The following TENM2 variants were observed in gnomAD, a reference collection of about 807,000 sequenced individuals.
TENM2 encodes teneurin transmembrane protein 2.
In TENM2, 52 loss-of-function variants were observed where a neutral mutation model predicts 245.2. The ratio of observed to expected loss-of-function variants is 0.21; its 90% confidence interval spans 0.17 to 0.27. TENM2 has a LOEUF of 0.27. Among genes scored for constraint, TENM2 ranks in the 10% least tolerant of loss-of-function variants. TENM2 has a pLI of 1.00. For missense variants in TENM2, 3,046 were observed against 3,666.8 expected (o/e 0.83, Z 4.37); for synonymous variants, 1,363 against 1,438.9 (o/e 0.95, Z 1.19).
chr5:167,494,759 TG>T, intron 2 of TENM2, among the ~76,000 whole-genome samples: 1 of 152,252 alleles, frequency 6.6e-6, no homozygotes, highest in South Asian at 2.1e-4. Context: ...AATCCAATTA[TG>T]CCATTTTTCT....
chr5:167,665,588 GA>G (rs1265213979), intron 2 of TENM2, among the ~76,000 whole-genome samples: 1 of 152,144 alleles, frequency 6.6e-6, no homozygotes, highest in African/African-American at 2.4e-5. Flanking sequence ...TTGAAAAAGA[GA>G]GATATAAACT....
At chr5:167,670,811 A>C (rs1755889696) in intron 2 of TENM2, among the ~76,000 whole-genome samples, 1 of 152,154 alleles carries the variant, frequency 6.6e-6, no homozygotes, top group Non-Finnish European at 1.5e-5. Flanking sequence ...CAGGTTCCAA[A>C]GAAGTAGTCT....
chr5:168,173,054 G>C (rs1236920563), intron 13 of TENM2, among the ~76,000 whole-genome samples: 3 of 152,112 alleles, frequency 2.0e-5, no homozygotes, highest in Admixed American at 1.3e-4. Context: ...TCCTCTGCCT[G>C]TCCTCAGGGT....
intron 2 of TENM2, among the ~76,000 whole-genome samples, chr5:167,454,475 T>TGTGTGC (rs398065397): frequency 3.3e-5 from 5 of 149,358 alleles, no homozygotes; most frequent in Admixed American, 1.3e-4. Context: ...TGTGTGTGTG[T>TGTGTGC]GCATGTGCAC....
chr5:168,235,904 A>G (rs1765387680), intron 25 of TENM2, among the ~76,000 whole-genome samples: 1 of 152,210 alleles, frequency 6.6e-6, no homozygotes, highest in African/African-American at 2.4e-5. Context: ...CTCTGAGAAA[A>G]TGACATTTGA....
chr5:167,647,429 C>T (rs954163068), intron 2 of TENM2, among the ~76,000 whole-genome samples: 5 of 151,926 alleles, frequency 3.3e-5, no homozygotes, highest in African/African-American at 1.2e-4. Context: ...TCGAGATAAG[C>T]CTGACCAACA....
chr5:167,570,292 T>C (rs1342869539), intron 2 of TENM2, among the ~76,000 whole-genome samples: 2 of 151,832 alleles, frequency 1.3e-5, no homozygotes, highest in Admixed American at 6.6e-5. Context: ...AGCCGATACA[T>C]AAGATAATGA....
At chr5:168,031,142 G>A (rs554575264) in intron 5 of TENM2, among the ~76,000 whole-genome samples, 6 of 152,320 alleles carry the variant, frequency 3.9e-5, no homozygotes, top group Admixed American at 2.6e-4. Context: ...CACCACAAAA[G>A]TGCAGCTTCA....
chr5:167,782,934 A>G (rs1037407971), intron 2 of TENM2, among the ~76,000 whole-genome samples: 1 of 152,218 alleles, frequency 6.6e-6, no homozygotes, highest in Non-Finnish European at 1.5e-5. Context: ...GCTGGACAAC[A>G]AAAGTCCCCA....
At chr5:167,229,787 G>A in the TENM2 span, among the ~76,000 whole-genome samples, 2 of 152,192 alleles carry the variant, frequency 1.3e-5, no homozygotes, top group African/African-American at 2.4e-5. Context: ...CCAAGATGGG[G>A]TGAGCCCCAG....
the TENM2 span, among the ~76,000 whole-genome samples, chr5:167,192,816 C>T: frequency 1.2e-4 from 18 of 152,094 alleles, no homozygotes; most frequent in East Asian, 1.9e-3. Flanking sequence ...TATGTAAGCA[C>T]GCAACTTCAC....
At chr5:167,883,189 A>G (rs907719398) in intron 3 of TENM2, among the ~76,000 whole-genome samples, 3 of 152,174 alleles carry the variant, frequency 2.0e-5, no homozygotes, top group East Asian at 1.9e-4. Flanking sequence ...CCACCAACAC[A>G]AACCTGGGCT....
chr5:167,968,625 G>C (rs146831052), intron 4 of TENM2, among the ~76,000 whole-genome samples: 1 of 152,110 alleles, frequency 6.6e-6, no homozygotes, highest in Non-Finnish European at 1.5e-5. Context: ...TTAAAATCCC[G>C]CCCTAAAGGG....
chr5:168,018,363 A>G (rs1278725743), intron 5 of TENM2, among the ~76,000 whole-genome samples: 7 of 148,080 alleles, frequency 4.7e-5, no homozygotes, highest in Non-Finnish European at 3.0e-5. Flanking sequence ...TTGCTTTAAC[A>G]TGGTGTTGTG....
intron 1 of TENM2, among the ~76,000 whole-genome samples, chr5:167,364,790 G>A (rs1188083969): frequency 5.3e-5 from 8 of 151,714 alleles, no homozygotes; most frequent in African/African-American, 1.9e-4. Flanking sequence ...TAATAACATA[G>A]TTTTACAGCG....
intron 2 of TENM2, among the ~76,000 whole-genome samples, chr5:167,834,057 G>A (rs934051744): frequency 2.0e-5 from 3 of 151,700 alleles, no homozygotes; most frequent in Admixed American, 6.6e-5. Flanking sequence ...CAAGGACCTT[G>A]CTTTTATGGA....
chr5:167,547,920 C>A (rs1772672777), intron 2 of TENM2, among the ~76,000 whole-genome samples: 1 of 152,170 alleles, frequency 6.6e-6, no homozygotes, highest in Non-Finnish European at 1.5e-5. Context: ...ATCATTTACA[C>A]CAAATCAGAA....
chr5:167,472,442 T>G (rs1160228641), intron 2 of TENM2, among the ~76,000 whole-genome samples: 3 of 152,202 alleles, frequency 2.0e-5, no homozygotes, highest in Non-Finnish European at 4.4e-5. Context: ...CTAGAAATTG[T>G]TGGGTTTTTA....
chr5:167,212,008 C>T, the TENM2 span, among the ~76,000 whole-genome samples: 76 of 152,240 alleles, frequency 5.0e-4, no homozygotes, highest in African/African-American at 1.7e-3. Context: ...TCCTTGACCT[C>T]TAAATTAATA....
Sources: gnomAD v4.1 joint callset for allele counts (sites outside exome capture counted in the v4.1 genomes callset) on GRCh38, gnomAD v4.1.1 for gene constraint, MANE v1.5 for transcripts, NCBI Gene and HGNC (gene_info 2026-07-23, HGNC 2026-07-21) for gene names.